The following CFAP20DC variants were observed in gnomAD, a reference collection of about 807,000 sequenced individuals.
The protein encoded by CFAP20DC is protein CFAP20DC.
CFAP20DC carries 84 observed loss-of-function variants against 101.7 expected under a neutral mutation model. The ratio of observed to expected loss-of-function variants is 0.83; its 90% CI spans 0.69 to 0.99. CFAP20DC has a LOEUF of 0.99. Ranked by LOEUF, CFAP20DC falls within the 50% of genes least tolerant of loss-of-function variation. CFAP20DC has a pLI of 0.00. For synonymous variants in CFAP20DC, 359 were observed against 351.2 expected, an observed-to-expected ratio of 1.02 and a Z score of -0.25; for missense variants, 1,007 against 970.3, an observed-to-expected ratio of 1.04 and a Z score of -0.50.
chr3:58,958,540 AT>A (rs1182203593), intron 4 of CFAP20DC, among the ~76,000 whole-genome samples: 9 of 152,184 alleles, frequency 5.9e-5, no homozygotes, highest in Non-Finnish European at 1.3e-4. Context: ...ATAGGTACAT[AT>A]CAGGAAAAGT....
intron 4 of CFAP20DC, among the ~76,000 whole-genome samples, chr3:58,979,673 A>C (rs2092439436): frequency 6.6e-6 from 1 of 152,224 alleles, no homozygotes; most frequent in Non-Finnish European, 1.5e-5. Context: ...GGCGCTTGTC[A>C]AAAATTCAAC....
intron 3 of CFAP20DC, among the ~76,000 whole-genome samples, chr3:59,042,230 T>C (rs1186393925): frequency 5.3e-5 from 8 of 151,940 alleles, no homozygotes; most frequent in Non-Finnish European, 5.9e-5. Context: ...TGGAGTAGAT[T>C]GGATAAACCT....
intron 14 of CFAP20DC, among the ~76,000 whole-genome samples, chr3:58,821,279 A>C (rs369207614): frequency 4.1e-4 from 62 of 152,282 alleles, no homozygotes; most frequent in East Asian, 2.5e-3. Flanking sequence ...GCAACAAAAG[A>C]CAAAATTGAC....
intron 4 of CFAP20DC, among the ~76,000 whole-genome samples, chr3:59,012,141 G>T (rs2093597251): frequency 6.6e-6 from 1 of 152,084 alleles, no homozygotes; most frequent in Non-Finnish European, 1.5e-5. Flanking sequence ...AGTATAAAAA[G>T]AATTTTATGA....
chr3:58,958,541 T>A (rs556979183), intron 4 of CFAP20DC, among the ~76,000 whole-genome samples: 1 of 152,292 alleles, frequency 6.6e-6, no homozygotes, highest in South Asian at 2.1e-4. Flanking sequence ...TAGGTACATA[T>A]CAGGAAAAGT....
chr3:58,768,436 C>T (rs11130671), intron 15 of CFAP20DC, among the ~76,000 whole-genome samples: 37,781 of 151,998 alleles, frequency 0.25, 4,973 homozygotes, highest in Non-Finnish European at 0.31. Flanking sequence ...TTAACACGAG[C>T]GGGAATCTGA....
At chr3:58,949,573 T>C (rs2108004758) in intron 4 of CFAP20DC, among the ~76,000 whole-genome samples, 1 of 152,292 alleles carries the variant, frequency 6.6e-6, no homozygotes, top group Non-Finnish European at 1.5e-5. Context: ...GGTTGTTCAG[T>C]TTCCATGTAG....
At chr3:58,873,720 A>G (rs1032111808) in intron 7 of CFAP20DC, among the ~76,000 whole-genome samples, 15 of 148,564 alleles carry the variant, frequency 1.0e-4, no homozygotes, top group Admixed American at 1.3e-4. Context: ...CTGGATAGCT[A>G]TTCTGGATGC....
intron 4 of CFAP20DC, among the ~76,000 whole-genome samples, chr3:58,994,324 T>C (rs2093040777): frequency 6.6e-6 from 1 of 152,226 alleles, no homozygotes; most frequent in Non-Finnish European, 1.5e-5. Flanking sequence ...GCTTCTGAGA[T>C]TCATTACAGA....
intron 4 of CFAP20DC, among the ~76,000 whole-genome samples, chr3:58,979,910 G>T (rs80308704): frequency 0.017 from 2,570 of 151,896 alleles, 39 homozygotes; most frequent in Non-Finnish European, 0.025. Context: ...ACAGCAAATA[G>T]GTTTCGTCTT....
chr3:58,730,959 T>A (rs1267824624), intron 3 of CFAP20DC, among the ~76,000 whole-genome samples: 1 of 152,074 alleles, frequency 6.6e-6, no homozygotes, highest in Non-Finnish European at 1.5e-5. Flanking sequence ...GGTCAAGAGG[T>A]CCAGCTCAAA....
Position 58,986,298 on chromosome 3 carries a change from T to C in CFAP20DC, c.279-48536A>G, listed in dbSNP as rs151171594. Among the ~76,000 whole-genome samples the C allele has an allele frequency of 8.3e-3, 1,258 of 152,240 alleles. 8 individuals are homozygous for C. The highest frequency in any genetic ancestry group is 0.012 in the Non-Finnish European group (811 of 68,006). ...TGGGGGATGAGCTATCTAGCCTAAA[T>C]GTATACAGGAACCAGAGGGTTAATA... is the stretch of plus-strand genomic sequence containing the variant. On this transcript the variant is annotated intron_variant, in intron 4 of 16. Coordinates refer to ENST00000482387, the MANE Select transcript of CFAP20DC (RefSeq NM_001394063.1).
chr3:58,934,542 A>T (rs2087236930), intron 5 of CFAP20DC, among the ~76,000 whole-genome samples: 2 of 152,224 alleles, frequency 1.3e-5, no homozygotes, highest in Non-Finnish European at 2.9e-5. Flanking sequence ...TGGCAAACCG[A>T]ATCCAGCAGC....
intron 14 of CFAP20DC, among the ~76,000 whole-genome samples, chr3:58,824,903 C>G (rs1469689549): frequency 1.3e-5 from 2 of 151,468 alleles, no homozygotes; most frequent in Non-Finnish European, 2.9e-5. Context: ...GGCTAAAATC[C>G]TCCTGCCTTA....
intron 5 of CFAP20DC, among the ~76,000 whole-genome samples, chr3:58,931,518 ACC>A (rs562649423): frequency 4.6e-5 from 7 of 151,684 alleles, no homozygotes; most frequent in Middle Eastern, 3.2e-3. Flanking sequence ...ACTGGGAGGC[ACC>A]CCCCAGTAGG....
At chr3:58,974,038 C>T (rs111977191) in intron 4 of CFAP20DC, among the ~76,000 whole-genome samples, 2 of 151,998 alleles carry the variant, frequency 1.3e-5, no homozygotes, top group Middle Eastern at 3.2e-3. Flanking sequence ...AGGACAGGAG[C>T]GGGCTACCTC....
intron 4 of CFAP20DC, among the ~76,000 whole-genome samples, chr3:59,004,011 T>C (rs1013492917): frequency 9.9e-5 from 15 of 152,190 alleles, no homozygotes; most frequent in Admixed American, 5.2e-4. Context: ...TCTCACCTCA[T>C]AAATGTCTTG....
At chr3:58,908,813 C>T (rs544858636) in intron 6 of CFAP20DC, among the ~76,000 whole-genome samples, 13 of 152,018 alleles carry the variant, frequency 8.6e-5, no homozygotes, top group Admixed American at 2.0e-4. Flanking sequence ...GAATATTATC[C>T]GGTGTTAAAA....
intron 15 of CFAP20DC, among the ~76,000 whole-genome samples, chr3:58,802,402 T>C (rs2073773331): frequency 6.6e-6 from 1 of 152,158 alleles, no homozygotes; most frequent in African/African-American, 2.4e-5. Context: ...TTATGTGAGA[T>C]TATGTTAGCC....
Sources: allele counts gnomAD v4.1 joint callset (sites outside exome capture counted in the v4.1 genomes callset), GRCh38; gene constraint gnomAD v4.1.1; transcripts MANE v1.5; gene names NCBI Gene and HGNC (gene_info 2026-07-23, HGNC 2026-07-21).